Variants in HNRNPAB observed in about 807,000 individuals in gnomAD.
HNRNPAB encodes ABBP-1.
In HNRNPAB, 17 loss-of-function variants were observed where a neutral mutation model predicts 44.1. That is an observed-to-expected ratio of 0.39 (90% CI 0.26 to 0.58). HNRNPAB has a LOEUF of 0.58. Ranked by LOEUF, HNRNPAB falls within the 20% of genes least tolerant of loss-of-function variation. The pLI, the probability that HNRNPAB is intolerant of heterozygous loss-of-function variation, is 0.63. For synonymous variants in HNRNPAB, 183 were observed against 167.6 expected, an observed-to-expected ratio of 1.09 and a Z score of -0.71; for missense variants, 393 against 432.7, an observed-to-expected ratio of 0.91 and a Z score of 0.81.
In HNRNPAB at chr5:178,205,769, C is replaced by T. The variant is rs3812088; in HGVS notation, c.210-73C>T. The T allele has an allele frequency of 2.2e-5, 32 of 1,476,822 alleles. No homozygotes were observed. In the East Asian group the frequency reaches 6.6e-4, roughly 30 times the overall value. 91.5% of individuals were successfully genotyped at this position (1,476,822 alleles called of 1,614,324 possible). ...GCTGTAGACTTCGTGAGAACTTTGC[C>T]AGGGCCAGTCCTTTCCAAAATCACA... On this transcript the variant is annotated intron_variant, in intron 2 of 7. Transcript: ENST00000358344.
In HNRNPAB at chr5:178,206,728, A is replaced by G; in HGVS notation, c.379-4A>G. On this transcript the variant is annotated splice_polypyrimidine_tract_variant and splice_region_variant and intron_variant, in intron 3 of 7. Transcript: ENST00000358344. ...GTCAGCCTGACCCCTTTCTGTTGGA[A>G]CAGGTCCTAGACCAGAAGGAGCACA... 6.2e-7 allele frequency: 1 copy of G among 1,613,318 alleles called. No homozygotes were observed. Among genetic ancestry groups the G allele is most frequent in the Non-Finnish European group, 8.5e-7 (1 of 1,179,894 alleles).
At position 178,204,850 on chromosome 5, in the gene HNRNPAB, G is replaced by A; in HGVS notation, c.13G>A (p.Gly5Ser). 8.2e-7 allele frequency: 1 copy of A among 1,219,324 alleles called. No homozygotes were observed. Among genetic ancestry groups the A allele is most frequent in the Non-Finnish European group, 1.0e-6 (1 of 980,176 alleles). 75.5% of individuals were successfully genotyped at this position (1,219,324 alleles called of 1,614,324 possible). A position where few individuals can be genotyped will look rare whatever the true frequency, so the allele number is the denominator to read the frequency against. ...GCCTCGGCCTAGCATGTCGGAAGCG[G>A]GCGAGGAGCAGCCCATGGAGACGAC... MSEA[G>S]EEQPMETTGA... is the part of the protein sequence containing the mutation. The change falls in exon 2 of 8, where the codon GGC becomes AGC. Residue 5 changes from glycine to serine, a missense_variant. By Grantham distance (56) the Gly-to-Ser change is moderately conservative. This residue lies in a region of HNRNPAB where 81 missense variants were observed against 73.4 expected (regional missense o/e 1.10). Transcript: ENST00000358344.
At chr5:178,210,423 G>A (rs2113629059) in intron 7 of HNRNPAB, 130 bp from the exon 8 acceptor site, 2 of 1,529,942 alleles carry the variant, frequency 1.3e-6, no homozygotes, top group Non-Finnish European at 1.8e-6. Context: ...AGACTTCGGG[G>A]TCTTAATAAC....
chr5:178,206,521 G>A (rs1312595107), intron 3 of HNRNPAB, among the ~76,000 whole-genome samples: 1 of 152,220 alleles, frequency 6.6e-6, no homozygotes, highest in African/African-American at 2.4e-5. Flanking sequence ...CATGATCAAA[G>A]GCTTAAGTGT....
At chr5:178,209,983 A>T in intron 6 of HNRNPAB, 149 bp from the exon 7 acceptor site, 1 of 1,014,454 alleles carries the variant, frequency 9.9e-7, no homozygotes, top group Non-Finnish European at 1.4e-6. Flanking sequence ...GGTTGGGCCC[A>T]GGGCCCTTAT....
chr5:178,208,481 GAGTA>G (rs1015583113), intron 5 of HNRNPAB: 2 of 152,196 alleles, frequency 1.3e-5, no homozygotes, highest in African/African-American at 4.8e-5. Flanking sequence ...TGAGTCTTAG[GAGTA>G]AGTATATTTA....
chr5:178,210,389 G>C, intron 7 of HNRNPAB, 117 bp downstream of exon 7: 2 of 1,572,090 alleles, frequency 1.3e-6, no homozygotes, highest in Non-Finnish European at 1.7e-6. Flanking sequence ...GCTCAGCCAT[G>C]GGAGCTACTT....
rs1170329673 is a variant in HNRNPAB, at chr5:178,205,023, C to T, written c.186C>T (p.Ala62=). The stretch of plus-strand genomic sequence containing the variant: ...GCGCCGAGGGCGACCAGATCAACGC[C>T]AGCAAGAACGAGGAGGACGCGGGGT... ...QNGAEGDQIN[A]SKNEEDAGKM... Residue 62 remains alanine, a synonymous_variant, in exon 2 of 8, where the codon GCC becomes GCT. Transcript: ENST00000358344. 2 of 1,208,340 alleles carry T rather than the reference C, an allele frequency of 1.7e-6. No homozygotes were observed. Among genetic ancestry groups the T allele is most frequent in the African/African-American group, 1.6e-5 (1 of 63,250 alleles). The allele number at this position is 1,208,340 out of a possible 1,614,324, so 74.9% of individuals were successfully genotyped here.
chr5:178,205,123 G>A (rs1210769235), intron 2 of HNRNPAB, 77 bp downstream of exon 2: 2 of 1,082,076 alleles, frequency 1.8e-6, no homozygotes, highest in Non-Finnish European at 2.3e-6. Context: ...GCGGCGGGGG[G>A]AGGGGCGGCG....
intron 1 of HNRNPAB, 33 bp from the exon 2 acceptor site, chr5:178,204,782 G>A (rs17080447): frequency 0.26 from 295,636 of 1,134,016 alleles, 40,018 homozygotes; most frequent in Admixed American, 0.36. Context: ...CGGGAGCCGC[G>A]CCGGCCTGAC....
chr5:178,210,645 C>T lies in HNRNPAB; in HGVS notation c.*22C>T. On this transcript the variant is annotated 3_prime_UTR_variant, in exon 8 of 8. Transcript: ENST00000358344. ...CTGAGGCGGCAGCAGGAGCGACCAA[C>T]TGATCGCACACATGCTTTGTTTGGA... 1.3e-6 allele frequency: 2 copies of T among 1,583,972 alleles called. No homozygotes were observed. The highest frequency in any genetic ancestry group is 1.7e-6 in the Non-Finnish European group (2 of 1,152,714).
Position 178,205,851 on chromosome 5 carries a change from C to T in HNRNPAB, c.219C>T (p.Phe73=), listed in dbSNP as rs1320373181. The change falls in exon 3 of 8, where the codon TTC becomes TTT. Residue 73 remains phenylalanine (F), a synonymous_variant. Transcript: ENST00000358344. ...CACCCTACCATTTCAGAAAAATGTT[C>T]GTTGGTGGCCTGAGCTGGGATACTA... ...SKNEEDAGKM[F]VGGLSWDTSK... The T allele has an allele frequency of 1.9e-6, 3 of 1,612,646 alleles. No individual in the cohort carries two copies. The highest frequency in any genetic ancestry group is 2.7e-5 in the African/African-American group (2 of 74,814).
chr5:178,205,176 C>T (rs1257909072), intron 2 of HNRNPAB, 130 bp downstream of exon 2: 4 of 568,856 alleles, frequency 7.0e-6, no homozygotes, highest in East Asian at 5.0e-5. Flanking sequence ...GGACTGTCGC[C>T]GCTGCGTTCG....
chr5:178,210,184 C>T lies in HNRNPAB; in HGVS notation c.840C>T (p.Tyr280=), dbSNP rs373664794. ...QGYGNYWNQG[Y]GYQQGYGPGY... is the part of the protein sequence containing the mutation. ...ACGGCAACTACTGGAACCAGGGCTA[C>T]GGCTACCAGCAGGGCTACGGGCCTG... Residue 280 remains tyrosine, a synonymous_variant, in exon 7 of 8, where the codon TAC becomes TAT. Transcript: ENST00000358344. 18 of 1,613,182 alleles carry T rather than the reference C, an allele frequency of 1.1e-5. No individual in the cohort carries two copies. Among genetic ancestry groups the T allele is most frequent in the East Asian group, 4.5e-5 (2 of 44,896 alleles).
chr5:178,206,222 G>T (rs987179852), intron 3 of HNRNPAB, among the ~76,000 whole-genome samples: 1 of 152,240 alleles, frequency 6.6e-6, no homozygotes. Flanking sequence ...GGTTCGGGAA[G>T]ATGACAGTTG....
chr5:178,210,849 A>AT lies in HNRNPAB; in HGVS notation c.*231dup. 3.5e-6 allele frequency: 2 copies of AT among 564,660 alleles called. No individual in the cohort carries two copies. The highest frequency in any genetic ancestry group is 6.3e-6 in the Non-Finnish European group (2 of 316,504). The allele number at this position is 564,660 out of a possible 1,614,324, so 35.0% of individuals were successfully genotyped here. A position where few individuals can be genotyped will look rare whatever the true frequency, so the allele number is the denominator to read the frequency against. On this transcript the variant is annotated 3_prime_UTR_variant, in exon 8 of 8. Coordinates refer to ENST00000358344, the MANE Select transcript of HNRNPAB (RefSeq NM_031266.3). ...GAGGCCATAGCGCCATCATGGGCTG[A>AT]TTTTTATTACCAGGTCCCCCAGAAG...
rs1216907101 is a variant in HNRNPAB at position 178,206,857 on chromosome 5, A to G, written c.504A>G (p.Glu168=). ...VGGLNPEATE[E]KIREYFGEFG... is the part of the protein sequence containing the mutation. ...GTCTGAATCCTGAAGCCACTGAGGA[A>G]AAGATCAGGGAGTACTTTGGCGAGT... Residue 168 remains glutamate, a synonymous_variant, in exon 4 of 8, where the codon GAA becomes GAG. Transcript: ENST00000358344. The G allele has an allele frequency of 4.3e-6, 7 of 1,614,166 alleles. No individual in the cohort carries two copies. In the East Asian group the frequency reaches 1.6e-4, roughly 36 times the overall value.
intron 7 of HNRNPAB, 138 bp from the exon 8 acceptor site, chr5:178,210,415 A>C: frequency 6.5e-7 from 1 of 1,536,840 alleles, no homozygotes; most frequent in Non-Finnish European, 8.9e-7. Context: ...TGAGCCTTAG[A>C]CTTCGGGGTC....
chr5:178,210,393 G>A (rs1757859440), intron 7 of HNRNPAB, 121 bp downstream of exon 7: 1 of 1,567,828 alleles, frequency 6.4e-7, no homozygotes, highest in Non-Finnish European at 8.7e-7. Flanking sequence ...AGCCATGGGA[G>A]CTACTTGATT....
Sources: gnomAD v4.1 joint callset for allele counts (sites outside exome capture counted in the v4.1 genomes callset) on GRCh38, gnomAD v4.1.1 for gene constraint, gnomAD v4.1.1 regional missense constraint, MANE v1.5 for transcripts, NCBI Gene and HGNC (gene_info 2026-07-23, HGNC 2026-07-21) for gene names.